Variants in HES4 observed in about 807,000 individuals in gnomAD.
HES4 encodes the protein transcription factor HES-4.
Under a neutral mutation model 10.7 loss-of-function variants are expected in HES4, and 17 were observed. That is an observed-to-expected ratio of 1.59 (90% confidence interval 1.09 to 2.38). The LOEUF is 2.38. Ranked by LOEUF, HES4 falls within the 30% of genes most tolerant of loss-of-function variation. The pLI, the probability that HES4 is intolerant of heterozygous loss-of-function variation, is 0.00. For missense variants in HES4, 389 were observed against 332.1 expected (o/e 1.17, Z -1.33); for synonymous variants, 189 against 159.7 (o/e 1.18, Z -1.38).
Position 1,000,077 on chromosome 1 carries a change from G to A in HES4, c.-104C>T, listed in dbSNP as rs904252050. ...GCGCGGCGATCCGAGCCCCTAGGGC[G>A]GATCCCGGCTCCAGGCCCGCGCGCG... is the stretch of plus-strand genomic sequence containing the variant. On this transcript the variant is annotated 5_prime_UTR_variant, in exon 1 of 4. Transcript: ENST00000304952. The A allele has an allele frequency of 1.4e-5, 14 of 1,032,786 alleles. No individual in the cohort carries two copies. Among genetic ancestry groups the A allele is most frequent in the Admixed American group, 9.6e-5 (2 of 20,872 alleles). 64.0% of individuals were successfully genotyped at this position (1,032,786 alleles called of 1,614,324 possible).
chr1:999,902 G>A lies in HES4; in HGVS notation c.72C>T (p.Thr24=), dbSNP rs576419059. Residue 24 remains threonine, a synonymous_variant, in exon 1 of 4, where the codon ACC becomes ACT. Transcript: ENST00000304952. ...CGGCCGCGCTCCGGGGCTTGTCTGGGGTCCGGCTGGCGCTGGCCGGCGCTC... is the reference window on the plus strand; with the variant it reads ...CGGCCGCGCTCCGGGGCTTGTCTGGAGTCCGGCTGGCGCTGGCCGGCGCTC... ...MAGAPASASR[T]PDKPRSAAEH... is the part of the protein sequence containing the mutation. 14 of 1,493,690 alleles carry A rather than the reference G, an allele frequency of 9.4e-6. No individual in the cohort carries two copies. The South Asian group carries it at 1.4e-4, about 15-fold the overall frequency. 92.5% of individuals were successfully genotyped at this position (1,493,690 alleles called of 1,614,324 possible).
rs750067674 is a variant in HES4 at position 999,437 on chromosome 1, G to C, written c.293-5C>G. ...CGGGGTCGGCGCTGAGCGCGGCTGC[G>C]GGAGCGACACAGGAGGAGAGGTCGG... On this transcript the variant is annotated splice_region_variant and splice_polypyrimidine_tract_variant and intron_variant, in intron 3 of 3. Transcript: ENST00000304952. 1 of 1,515,332 alleles carries C rather than the reference G, an allele frequency of 6.6e-7. No homozygotes were observed. Among genetic ancestry groups the C allele is most frequent in the Admixed American group, 2.3e-5 (1 of 43,270 alleles). 93.9% of individuals were successfully genotyped at this position (1,515,332 alleles called of 1,614,324 possible).
chr1:999,799 G>A lies in HES4; in HGVS notation c.109-12C>T. On this transcript the variant is annotated splice_polypyrimidine_tract_variant and intron_variant, in intron 1 of 3. Coordinates refer to ENST00000304952, the MANE Select transcript of HES4 (RefSeq NM_021170.4). The stretch of plus-strand genomic sequence containing the variant: ...ACCGGCTTGGAGGACTGCGGGTCGG[G>A]CACCGGCTGAGTCCCGCGTCCCTCC... 2.5e-6 allele frequency: 4 copies of A among 1,609,728 alleles called. No homozygotes were observed. Among genetic ancestry groups the A allele is most frequent in the Non-Finnish European group, 3.4e-6 (4 of 1,178,916 alleles).
At position 999,597 on chromosome 1, in the gene HES4, T is replaced by C; in HGVS notation, c.221A>G (p.Lys74Arg). Residue 74 changes from lysine (K) to arginine (R), a missense_variant, in exon 3 of 4, where the codon AAG becomes AGG. Physicochemically the swap from Lys to Arg is conservative, Grantham distance 26. Transcript: ENST00000304952. ...CTCCAGGATGTCCGCCTTCTCCAGC[T>C]TCGAGTGGCGGGAGCTCTGGGGGCG... Reference protein sequence around the residue: ...ALRKESSRHSKLEKADILEMT... With the variant: ...ALRKESSRHSRLEKADILEMT... 1 of 1,609,396 alleles carries C rather than the reference T, an allele frequency of 6.2e-7. No individual in the cohort carries two copies. The highest frequency in any genetic ancestry group is 8.5e-7 in the Non-Finnish European group (1 of 1,178,578).
chr1:1,000,051 C>T lies in HES4; in HGVS notation c.-78G>A. 7 of 1,160,158 alleles carry T rather than the reference C, an allele frequency of 6.0e-6. No homozygotes were observed. The highest frequency in any genetic ancestry group is 7.5e-6 in the Non-Finnish European group (7 of 939,216). 71.9% of individuals were successfully genotyped at this position (1,160,158 alleles called of 1,614,324 possible). ...GGCGGGCTGGCGGGCGAGCGGCGAGCGCGCGGCGATCCGAGCCCCTAGGGC... is the reference window on the plus strand; with the variant it reads ...GGCGGGCTGGCGGGCGAGCGGCGAGTGCGCGGCGATCCGAGCCCCTAGGGC... On this transcript the variant is annotated 5_prime_UTR_variant, in exon 1 of 4. Transcript: ENST00000304952.
Position 999,754 on chromosome 1 carries a change from C to T in HES4, c.142G>A (p.Ala48Thr), listed in dbSNP as rs762249677. 2 of 1,611,964 alleles carry T rather than the reference C, an allele frequency of 1.2e-6. No homozygotes were observed. Among genetic ancestry groups the T allele is most frequent in the Non-Finnish European group, 1.7e-6 (2 of 1,179,538 alleles). ...TGAGCGAGGCTCTCGTTAATACGCG[C>T]TCGGCGCCGCTTCTCCATGACCGGC... is the stretch of plus-strand genomic sequence containing the variant. Reference protein sequence around the residue: ...SKPVMEKRRRARINESLAQLK... With the variant: ...SKPVMEKRRRTRINESLAQLK... Residue 48 changes from alanine (A) to threonine (T), a missense_variant, in exon 2 of 4, where the codon GCG (alanine) becomes ACG (threonine). Ala to Thr is a moderately conservative substitution (Grantham distance 58, BLOSUM62 0). Transcript: ENST00000304952.
Position 999,235 on chromosome 1 carries a change from G to C in HES4, c.490C>G (p.Pro164Ala), listed in dbSNP as rs1207677081. The part of the protein sequence containing the change: ...RRPASLSPAA[P>A]AEAPAPEVYA... Reference sequence around the variant, plus strand: ...ACCTCGGGCGCTGGGGCCTCTGCGGGGGCAGCCGGGGACAGCGAGGCCGGG... The same window carrying C: ...ACCTCGGGCGCTGGGGCCTCTGCGGCGGCAGCCGGGGACAGCGAGGCCGGG... The change falls in exon 4 of 4, where the codon CCC (proline) becomes GCC (alanine). Residue 164 changes from proline to alanine, a missense_variant. Pro to Ala is a conservative substitution (Grantham distance 27). Coordinates refer to ENST00000304952, the MANE Select transcript of HES4 (RefSeq NM_021170.4). The C allele has an allele frequency of 7.4e-7, 1 of 1,343,820 alleles. No homozygotes were observed. Among genetic ancestry groups the C allele is most frequent in the Non-Finnish European group, 9.5e-7 (1 of 1,054,352 alleles). 83.2% of individuals were successfully genotyped at this position (1,343,820 alleles called of 1,614,324 possible).
intron 3 of HES4, 35 bp downstream of exon 3, chr1:999,491 C>T: frequency 1.9e-6 from 3 of 1,564,282 alleles, no homozygotes; most frequent in Non-Finnish European, 2.6e-6. Flanking sequence ...CCGCGCCCTC[C>T]CCCCGCCTCC....
In HES4 at chr1:999,947, C is replaced by T. The variant is rs764175609; in HGVS notation, c.27G>A (p.Pro9=). 1 of 1,453,620 alleles carries T rather than the reference C, an allele frequency of 6.9e-7. No homozygotes were observed. The highest frequency in any genetic ancestry group is 9.0e-7 in the Non-Finnish European group (1 of 1,113,282). The allele number at this position is 1,453,620 out of a possible 1,614,324, so 90.0% of individuals were successfully genotyped here. A position where few individuals can be genotyped will look rare whatever the true frequency, so the allele number is the denominator to read the frequency against. The change falls in exon 1 of 4, where the codon CCG becomes CCA. Residue 9 remains proline (P), a synonymous_variant. Transcript: ENST00000304952. MAADTPGK[P]SASPMAGAPA... ...GCGCTCCTGCCATCGGCGAGGCGCT[C>T]GGTTTCCCCGGCGTGTCTGCGGCCA...
chr1:999,516 C>A lies in HES4; in HGVS notation c.292+10G>T. 6.3e-7 allele frequency: 1 copy of A among 1,584,814 alleles called. No individual in the cohort carries two copies. Among genetic ancestry groups the A allele is most frequent in the Non-Finnish European group, 8.6e-7 (1 of 1,168,216 alleles). ...CCCCCGCCTCCAAGCCGCCGCCGCC[C>A]GCGCCTCACCCGTCACCTGCACGCG... On this transcript the variant is annotated intron_variant, in intron 3 of 3. Transcript: ENST00000304952.
Position 999,851 on chromosome 1 carries a change from C to T in HES4, c.108+15G>A. On this transcript the variant is annotated intron_variant, in intron 1 of 3. Coordinates refer to ENST00000304952, the MANE Select transcript of HES4 (RefSeq NM_021170.4). ...GCCCCCCGGTCGCCCCCCTCACGCC[C>T]GGCCGGGACCCCACCTTGCGGTGCT... is the stretch of plus-strand genomic sequence containing the variant. 1 of 1,578,082 alleles carries T rather than the reference C, an allele frequency of 6.3e-7. No homozygotes were observed. Among genetic ancestry groups the T allele is most frequent in the African/African-American group, 1.4e-5 (1 of 72,952 alleles).
rs757410292 is a variant in HES4 at position 999,588 on chromosome 1, T to A, written c.230A>T (p.Lys77Met). ...KESSRHSKLE[K>M]ADILEMTVRH... ...CACGGTCATCTCCAGGATGTCCGCC[T>A]TCTCCAGCTTCGAGTGGCGGGAGCT... Residue 77 changes from lysine to methionine, a missense_variant, in exon 3 of 4, where the codon AAG (lysine) becomes ATG (methionine). Transcript: ENST00000304952. 73 of 1,609,514 alleles carry A rather than the reference T, an allele frequency of 4.5e-5. No individual in the cohort carries two copies. The highest frequency in any genetic ancestry group is 5.9e-5 in the Non-Finnish European group (70 of 1,178,650).
rs1570097414 is a variant in HES4, at chr1:999,558, T to G, written c.260A>C (p.His87Pro). 6.2e-7 allele frequency: 1 copy of G among 1,605,206 alleles called. No individual in the cohort carries two copies. Among genetic ancestry groups the G allele is most frequent in the Non-Finnish European group, 8.5e-7 (1 of 1,177,024 alleles). ...KADILEMTVRHLRSLRRVQVT... is the reference protein window; with the variant it reads ...KADILEMTVRPLRSLRRVQVT... ...CTGCACGCGACGCAGGCTCCGCAGG[T>G]GTCTCACGGTCATCTCCAGGATGTC... is the stretch of plus-strand genomic sequence containing the variant. Residue 87 changes from histidine (H) to proline (P), a missense_variant, in exon 3 of 4, where the codon CAC becomes CCC. Transcript: ENST00000304952.
In HES4 at chr1:999,242, C is replaced by T. The variant is rs1643984742; in HGVS notation, c.483G>A (p.Pro161=). Residue 161 remains proline, a synonymous_variant, in exon 4 of 4, where the codon CCG becomes CCA. Transcript: ENST00000304952. ...GCGCTGGGGCCTCTGCGGGGGCAGC[C>T]GGGGACAGCGAGGCCGGGCGGCGGG... ...GPSRRPASLS[P]AAPAEAPAPE... is the part of the protein sequence containing the mutation. 3 of 1,371,742 alleles carry T rather than the reference C, an allele frequency of 2.2e-6. No individual in the cohort carries two copies. Among genetic ancestry groups the T allele is most frequent in the African/African-American group, 1.5e-5 (1 of 65,740 alleles). 85.0% of individuals were successfully genotyped at this position (1,371,742 alleles called of 1,614,324 possible). A position where few individuals can be genotyped will look rare whatever the true frequency, so the allele number is the denominator to read the frequency against.
In HES4 at chr1:1,000,068, C is replaced by A; in HGVS notation, c.-95G>T. ...GCGGCGAGCGCGCGGCGATCCGAGC[C>A]CCTAGGGCGGATCCCGGCTCCAGGC... is the stretch of plus-strand genomic sequence containing the variant. On this transcript the variant is annotated 5_prime_UTR_variant, in exon 1 of 4. Coordinates refer to ENST00000304952, the MANE Select transcript of HES4 (RefSeq NM_021170.4). The A allele has an allele frequency of 9.1e-7, 1 of 1,096,664 alleles. No homozygotes were observed. The highest frequency in any genetic ancestry group is 1.1e-6 in the Non-Finnish European group (1 of 886,014). The allele number at this position is 1,096,664 out of a possible 1,614,324, so 67.9% of individuals were successfully genotyped here. A position where few individuals can be genotyped will look rare whatever the true frequency, so the allele number is the denominator to read the frequency against.
Position 999,114 on chromosome 1 carries a change from G to A in HES4, c.611C>T (p.Ala204Val), listed in dbSNP as rs551966964. 98 of 1,215,104 alleles carry A rather than the reference G, an allele frequency of 8.1e-5. No individual in the cohort carries two copies. The African/African-American group carries it at 1.2e-3, about 15-fold the overall frequency. The allele number at this position is 1,215,104 out of a possible 1,614,324, so 75.3% of individuals were successfully genotyped here. ...CGGGCCCTGCGGCCCCGCCCTGGGGGCGGCGGGCAGCGCCCGGGTCAGACC... is the reference window on the plus strand; with the variant it reads ...CGGGCCCTGCGGCCCCGCCCTGGGGACGGCGGGCAGCGCCCGGGTCAGACC... ...LPGLTRALPA[A>V]PRAGPQGPGG... The change falls in exon 4 of 4, where the codon GCC becomes GTC. Residue 204 changes from alanine (A) to valine (V), a missense_variant. Transcript: ENST00000304952.
rs950341015 is a variant in HES4 at position 999,605 on chromosome 1, G to A, written c.213C>T (p.Arg71=). ...TGTCCGCCTTCTCCAGCTTCGAGTGGCGGGAGCTCTGGGGGCGGGGATAGG... is the reference window on the plus strand; with the variant it reads ...TGTCCGCCTTCTCCAGCTTCGAGTGACGGGAGCTCTGGGGGCGGGGATAGG... ...ILDALRKESS[R]HSKLEKADIL... The change falls in exon 3 of 4, where the codon CGC becomes CGT. Residue 71 remains arginine, a synonymous_variant. Coordinates refer to ENST00000304952, the MANE Select transcript of HES4 (RefSeq NM_021170.4). 1.9e-6 allele frequency: 3 copies of A among 1,607,926 alleles called. No homozygotes were observed. The highest frequency in any genetic ancestry group is 2.5e-6 in the Non-Finnish European group (3 of 1,178,064).
rs774500086 is a variant in HES4 at position 999,572 on chromosome 1, C to G, written c.246G>C (p.Glu82Asp). 6.8e-5 allele frequency: 110 copies of G among 1,609,696 alleles called. No homozygotes were observed. Among genetic ancestry groups the G allele is most frequent in the Non-Finnish European group, 9.0e-5 (106 of 1,178,772 alleles). Reference sequence around the variant, plus strand: ...GGCTCCGCAGGTGTCTCACGGTCATCTCCAGGATGTCCGCCTTCTCCAGCT... The same window carrying G: ...GGCTCCGCAGGTGTCTCACGGTCATGTCCAGGATGTCCGCCTTCTCCAGCT... ...HSKLEKADIL[E>D]MTVRHLRSLR... The change falls in exon 3 of 4, where the codon GAG becomes GAC. Residue 82 changes from glutamate (E) to aspartate (D), a missense_variant. Transcript: ENST00000304952.
In HES4 at chr1:999,282, C is replaced by A; in HGVS notation, c.443G>T (p.Arg148Leu). The change falls in exon 4 of 4, where the codon CGC becomes CTC. Residue 148 changes from arginine to leucine, a missense_variant. Physicochemically the swap from Arg to Leu is moderately radical, Grantham distance 102 (BLOSUM62 -2). Transcript: ENST00000304952. ...CGGGCGGCGGGAGGGTCCCAGCTGG[C>A]GCAGGCAGGCTGCCAGGTGGCCCAG... ...RLLGHLAACL[R>L]QLGPSRRPAS... is the part of the protein sequence containing the mutation. 6.9e-7 allele frequency: 1 copy of A among 1,456,364 alleles called. No individual in the cohort carries two copies. The highest frequency in any genetic ancestry group is 9.0e-7 in the Non-Finnish European group (1 of 1,109,442). 90.2% of individuals were successfully genotyped at this position (1,456,364 alleles called of 1,614,324 possible). A position where few individuals can be genotyped will look rare whatever the true frequency, so the allele number is the denominator to read the frequency against.
Sources: allele counts gnomAD v4.1 joint callset, GRCh38; gene constraint gnomAD v4.1.1; transcripts MANE v1.5; gene names NCBI Gene and HGNC (gene_info 2026-07-23, HGNC 2026-07-21).